HHLA2: variants seen among roughly 807,000 people sequenced by gnomAD.
HHLA2 encodes the protein HERV-H LTR-associating protein 2.
Under a neutral mutation model 45.9 loss-of-function variants are expected in HHLA2, and 48 were observed. The observed-to-expected ratio is 1.05, with a 90% CI of 0.83 to 1.33. The LOEUF is 1.33. Among genes scored for constraint, HHLA2 ranks in the 40% most tolerant of loss-of-function variants. The pLI is 0.00. For synonymous variants in HHLA2, 161 were observed against 173.9 expected (o/e 0.93, Z 0.59); for missense variants, 462 against 494.3 (o/e 0.93, Z 0.62).
At chr3:108,374,084 C>G (rs1460380255) in intron 8 of HHLA2, among the ~76,000 whole-genome samples, 3 of 151,478 alleles carry the variant, frequency 2.0e-5, no homozygotes. Context: ...AACCATACTA[C>G]AAGGCTACAG....
At chr3:108,315,670 C>T (rs2081089133) in intron 2 of HHLA2, among the ~76,000 whole-genome samples, 1 of 152,040 alleles carries the variant, frequency 6.6e-6, no homozygotes. Flanking sequence ...TGGAAAGCAC[C>T]CCAGCTGGCA....
At chr3:108,305,940 C>T (rs917476258) in intron 1 of HHLA2, among the ~76,000 whole-genome samples, 17 of 152,184 alleles carry the variant, frequency 1.1e-4, no homozygotes, top group African/African-American at 3.9e-4. Context: ...GCCCCAGGTG[C>T]TGCTGTCTGG....
chr3:108,344,241 T>C (rs943254327), intron 3 of HHLA2, among the ~76,000 whole-genome samples: 1 of 152,156 alleles, frequency 6.6e-6, no homozygotes, highest in African/African-American at 2.4e-5. Context: ...TAATGCATTA[T>C]TCAGTATTTC....
chr3:108,375,622 G>A lies in HHLA2; in HGVS notation c.1109-128G>A, dbSNP rs559421309. 263 of 1,209,000 alleles carry A rather than the reference G, an allele frequency of 2.2e-4. 1 individual carries two copies. The highest frequency in any genetic ancestry group is 2.8e-4 in the Non-Finnish European group (253 of 900,748). 74.9% of individuals were successfully genotyped at this position (1,209,000 alleles called of 1,614,324 possible). On this transcript the variant is annotated intron_variant, in intron 8 of 10. Transcript: ENST00000619531. ...GCAGAAATGAAGGAGATAGACACAC[G>A]AAAAACCCTTCAAAGAACCAGAGAG...
chr3:108,375,254 T>C (rs1436977734), intron 8 of HHLA2, among the ~76,000 whole-genome samples: 1 of 147,938 alleles, frequency 6.8e-6, no homozygotes, highest in Non-Finnish European at 1.5e-5. Context: ...CGGCATATTC[T>C]CACTCATAGG....
chr3:108,368,516 T>G (rs780877295), intron 8 of HHLA2, among the ~76,000 whole-genome samples: 1 of 103,182 alleles, frequency 9.7e-6, no homozygotes, highest in Non-Finnish European at 1.8e-5. Flanking sequence ...GGAGGAATAT[T>G]TACCAAGCAA....
chr3:108,353,303 G>T, intron 4 of HHLA2, 124 bp from the exon 4 acceptor site: 1 of 605,556 alleles, frequency 1.7e-6, no homozygotes, highest in Non-Finnish European at 2.8e-6. Context: ...AAGTGTTTTT[G>T]ATTATGTGGT....
chr3:108,351,148 G>A (rs927068145), intron 3 of HHLA2, among the ~76,000 whole-genome samples: 6 of 152,202 alleles, frequency 3.9e-5, no homozygotes, highest in Non-Finnish European at 7.4e-5. Flanking sequence ...GTGTATACAC[G>A]TTTTGCCATC....
intron 3 of HHLA2, among the ~76,000 whole-genome samples, chr3:108,329,417 C>T (rs140781241): frequency 5.9e-4 from 89 of 152,082 alleles, no homozygotes; most frequent in African/African-American, 2.1e-3. Flanking sequence ...TAATCAGAGG[C>T]ATCAAAGTAG....
chr3:108,364,828 CT>C (rs1404456214), intron 8 of HHLA2, among the ~76,000 whole-genome samples: 1 of 152,184 alleles, frequency 6.6e-6, no homozygotes, highest in Non-Finnish European at 1.5e-5. Flanking sequence ...CCTTCACCCA[CT>C]TTTTGATGGG....
intron 8 of HHLA2, among the ~76,000 whole-genome samples, chr3:108,369,535 CA>C (rs1330249108): frequency 1.3e-5 from 2 of 152,158 alleles, no homozygotes; most frequent in Non-Finnish European, 2.9e-5. Context: ...CCAGGAAGCA[CA>C]AGGGGTCAGG....
chr3:108,351,906 T>C, intron 4 of HHLA2, 29 bp downstream of exon 3: 1 of 1,428,138 alleles, frequency 7.0e-7, no homozygotes, highest in Non-Finnish European at 9.9e-7. Context: ...CAAGTGTTAG[T>C]TATTTGCATT....
chr3:108,346,376 C>A (rs2081660927), intron 3 of HHLA2, among the ~76,000 whole-genome samples: 1 of 152,158 alleles, frequency 6.6e-6, no homozygotes, highest in Non-Finnish European at 1.5e-5. Context: ...TAAGGAACAT[C>A]CCCAGGATGC....
chr3:108,317,106 G>T (rs2966573), intron 2 of HHLA2, among the ~76,000 whole-genome samples: 140,053 of 152,236 alleles, frequency 0.92, 64,707 homozygotes, highest in Non-Finnish European at 0.96. Flanking sequence ...TCTCACCAAA[G>T]CATGTACCAT....
chr3:108,341,190 T>C (rs2081565832), intron 3 of HHLA2, among the ~76,000 whole-genome samples: 1 of 151,976 alleles, frequency 6.6e-6, no homozygotes, highest in African/African-American at 2.4e-5. Context: ...TGACCTCAGG[T>C]AATCCGCCCG....
chr3:108,354,301 TAC>T (rs997213412), intron 5 of HHLA2, among the ~76,000 whole-genome samples: 2 of 152,082 alleles, frequency 1.3e-5, no homozygotes, highest in Admixed American at 6.6e-5. Flanking sequence ...AGTTAATACA[TAC>T]AGTTATATAC....
At chr3:108,326,433 G>T (rs1484523319) in intron 2 of HHLA2, among the ~76,000 whole-genome samples, 1 of 152,136 alleles carries the variant, frequency 6.6e-6, no homozygotes, top group Non-Finnish European at 1.5e-5. Context: ...AAAACCATCA[G>T]ATCTCCTAAG....
At chr3:108,345,246 C>A (rs1168105532) in intron 3 of HHLA2, among the ~76,000 whole-genome samples, 3 of 152,152 alleles carry the variant, frequency 2.0e-5, no homozygotes, top group Non-Finnish European at 4.4e-5. Context: ...TTGAAGCCAC[C>A]ACTGGGGCAG....
At chr3:108,358,825 G>A (rs755600030) in intron 7 of HHLA2, among the ~76,000 whole-genome samples, 3 of 152,122 alleles carry the variant, frequency 2.0e-5, no homozygotes, top group Non-Finnish European at 2.9e-5. Context: ...TTCAATAAAG[G>A]TATTTGAACC....
Sources: gnomAD v4.1 joint callset for allele counts (sites outside exome capture counted in the v4.1 genomes callset) on GRCh38, gnomAD v4.1.1 for gene constraint, MANE v1.5 for transcripts, NCBI Gene and HGNC (gene_info 2026-07-23, HGNC 2026-07-21) for gene names.